The following XKR4 variants were observed in gnomAD, a reference collection of about 807,000 sequenced individuals.
The protein encoded by XKR4 is XK related 4, also known as XK-related protein 4.
Under a neutral mutation model 53.9 loss-of-function variants are expected in XKR4, and 12 were observed. The observed-to-expected ratio is 0.22, with a 90% CI of 0.14 to 0.36. XKR4 has a LOEUF of 0.36. Ranked by LOEUF, XKR4 falls within the 10% of genes least tolerant of loss-of-function variation. XKR4 has a pLI of 1.00. For missense variants in XKR4, 799 were observed against 859.5 expected (o/e 0.93, Z 0.88); for synonymous variants, 354 against 362.4 (o/e 0.98, Z 0.26).
chr8:55,401,916 T>C (rs1333820064), intron 2 of XKR4, among the ~76,000 whole-genome samples: 2 of 152,350 alleles, frequency 1.3e-5, no homozygotes, highest in East Asian at 3.9e-4. Flanking sequence ...TTAGCAGTAA[T>C]AAATTAGCAT....
At chr8:55,266,176 T>C (rs889200059) in intron 1 of XKR4, among the ~76,000 whole-genome samples, 3 of 151,454 alleles carry the variant, frequency 2.0e-5, no homozygotes, top group African/African-American at 7.3e-5. Flanking sequence ...AAATGGAAAC[T>C]TTCAAGTCTG....
At chr8:55,321,912 A>G (rs1342244011) in intron 1 of XKR4, among the ~76,000 whole-genome samples, 2 of 152,148 alleles carry the variant, frequency 1.3e-5, no homozygotes, top group Non-Finnish European at 2.9e-5. Flanking sequence ...TCTCTCGAAC[A>G]CAGGAGGCGG....
intron 1 of XKR4, among the ~76,000 whole-genome samples, chr8:55,103,851 G>GTGTATA (rs1187141027): frequency 1.4e-3 from 152 of 105,956 alleles, no homozygotes; most frequent in African/African-American, 1.5e-3. Flanking sequence ...AAATGACTTT[G>GTGTATA]TATATATATA....
chr8:55,166,996 G>C (rs1401345571), intron 1 of XKR4, among the ~76,000 whole-genome samples: 1 of 152,220 alleles, frequency 6.6e-6, no homozygotes, highest in Non-Finnish European at 1.5e-5. Context: ...GCTTTCAAGG[G>C]AGAGAGGATG....
chr8:55,170,511 C>T (rs1229637018), intron 1 of XKR4, among the ~76,000 whole-genome samples: 1 of 152,100 alleles, frequency 6.6e-6, no homozygotes, highest in Non-Finnish European at 1.5e-5. Flanking sequence ...GAACATAGAC[C>T]CGCTGCTTGA....
At chr8:55,208,280 C>G (rs1817678042) in intron 1 of XKR4, among the ~76,000 whole-genome samples, 1 of 152,052 alleles carries the variant, frequency 6.6e-6, no homozygotes, top group African/African-American at 2.4e-5. Flanking sequence ...TCCATAAAAC[C>G]CAATTCGCTT....
intron 2 of XKR4, among the ~76,000 whole-genome samples, chr8:55,394,918 A>G (rs1360632833): frequency 1.3e-5 from 2 of 152,160 alleles, no homozygotes; most frequent in Non-Finnish European, 2.9e-5. Context: ...TTGAAATGCC[A>G]TCCAAAAATC....
chr8:55,517,653 G>A (rs1394963226), intron 2 of XKR4: 1 of 152,268 alleles, frequency 6.6e-6, no homozygotes, highest in East Asian at 1.9e-4. Context: ...ACGGAGAGAT[G>A]GCAGTGTGGC....
At position 55,205,327 on chromosome 8, in the gene XKR4, TATTTGTTGTCATAAAATTAGACTCAA is replaced by T. The variant is rs528134529; in HGVS notation, c.806+102064_806+102089del. Among the ~76,000 whole-genome samples, 804 of 152,310 alleles carry T rather than the reference TATTTGTTGTCATAAAATTAGACTCAA, an allele frequency of 5.3e-3. 6 individuals carry two copies. The highest frequency in any genetic ancestry group is 0.026 in the East Asian group (135 of 5,168). On this transcript the variant is annotated intron_variant, in intron 1 of 2. Transcript: ENST00000327381. ...TTTTGTACTTAAACTATTTGACATG[TATTTGTTGTCATAAAATTAGACTCAA>T]ATTTGTTGTCATAAAATTAGACTCA...
chr8:55,390,573 G>A (rs1024088040), intron 2 of XKR4, among the ~76,000 whole-genome samples: 7 of 152,166 alleles, frequency 4.6e-5, no homozygotes, highest in Non-Finnish European at 1.0e-4. Flanking sequence ...ATTTGCCTAA[G>A]TTTAGACTGT....
chr8:55,526,780 C>T lies in XKR4; in HGVS notation c.*2553C>T, dbSNP rs1038175509. ...GTTCTAAGTTATTTCTCAACTTGAT[C>T]CCTCATTCAACATGTTAAGAGTCAG... On this transcript the variant is annotated 3_prime_UTR_variant, in exon 3 of 3. Transcript: ENST00000327381. The T allele has an allele frequency of 3.9e-5, 6 of 152,146 alleles. No individual in the cohort carries two copies. Among genetic ancestry groups the T allele is most frequent in the Admixed American group, 3.9e-4 (6 of 15,266 alleles). The allele number at this position is 152,146 out of a possible 1,614,324, so 9.4% of individuals were successfully genotyped here.
chr8:55,231,335 T>G (rs1040944423), intron 1 of XKR4, among the ~76,000 whole-genome samples: 2 of 152,238 alleles, frequency 1.3e-5, no homozygotes, highest in African/African-American at 4.8e-5. Context: ...AGGAAAATAC[T>G]CATTTCATAC....
At position 55,354,858 on chromosome 8, in the gene XKR4, G is replaced by C. The variant is rs34637326; in HGVS notation, c.807-2820G>C. Reference sequence around the variant, plus strand: ...TCATAAAAGAAATAAGTAGAAAAAAGTAATATTTGACACAAAGGATGATGG... The same window carrying C: ...TCATAAAAGAAATAAGTAGAAAAAACTAATATTTGACACAAAGGATGATGG... On this transcript the variant is annotated intron_variant, in intron 1 of 2. Coordinates refer to ENST00000327381, the MANE Select transcript of XKR4 (RefSeq NM_052898.2). 3.3e-3 allele frequency among the ~76,000 whole-genome samples: 496 copies of C among 150,628 alleles called. 2 individuals carry two copies. Among genetic ancestry groups the C allele is most frequent in the African/African-American group, 0.011 (462 of 41,130 alleles).
intron 1 of XKR4, among the ~76,000 whole-genome samples, chr8:55,113,194 G>A (rs1816257523): frequency 6.6e-6 from 1 of 152,254 alleles, no homozygotes; most frequent in Non-Finnish European, 1.5e-5. Flanking sequence ...GAAAGAGGGA[G>A]GAAGCCTGAA....
rs1024293873 is a variant in XKR4 at position 55,161,754 on chromosome 8, A to G, written c.806+58460A>G. 1.0e-5 allele frequency: 4 copies of G among 383,090 alleles called. No homozygotes were observed. In the Admixed American group the frequency reaches 1.3e-4, roughly 12 times the overall value. 23.7% of individuals were successfully genotyped at this position (383,090 alleles called of 1,614,324 possible). A position where few individuals can be genotyped will look rare whatever the true frequency, so the allele number is the denominator to read the frequency against. On this transcript the variant is annotated intron_variant, in intron 1 of 2. Coordinates refer to ENST00000327381, the MANE Select transcript of XKR4 (RefSeq NM_052898.2). ...ATGGCCACTTACTGCACATACATTC[A>G]TCACTAAATTCTTTTCTCCACTTCA...
intron 1 of XKR4, among the ~76,000 whole-genome samples, chr8:55,226,049 C>A (rs374303730): frequency 1.3e-5 from 2 of 152,144 alleles, no homozygotes; most frequent in African/African-American, 4.8e-5. Context: ...CGACTGTGGT[C>A]CACATGAATG....
intron 2 of XKR4, among the ~76,000 whole-genome samples, chr8:55,509,786 A>G (rs1585612467): frequency 6.6e-6 from 1 of 152,192 alleles, no homozygotes; most frequent in East Asian, 1.9e-4. Context: ...ACCCTAGACT[A>G]GAGGGATCCT....
At chr8:55,174,455 C>A (rs1433084711) in intron 1 of XKR4, among the ~76,000 whole-genome samples, 1 of 152,100 alleles carries the variant, frequency 6.6e-6, no homozygotes, top group Admixed American at 6.5e-5. Flanking sequence ...GGGACTACAT[C>A]TTCTGTATTT....
At chr8:55,366,041 G>C (rs1483294412) in intron 2 of XKR4, among the ~76,000 whole-genome samples, 1 of 152,224 alleles carries the variant, frequency 6.6e-6, no homozygotes, top group Non-Finnish European at 1.5e-5. Context: ...GGGCTGGGAC[G>C]AGGCTGGGGC....
Sources: gnomAD v4.1 joint callset for allele counts (sites outside exome capture counted in the v4.1 genomes callset) on GRCh38, gnomAD v4.1.1 for gene constraint, MANE v1.5 for transcripts, NCBI Gene and HGNC (gene_info 2026-07-23, HGNC 2026-07-21) for gene names.